The following TMEM154 variants were observed in gnomAD, a reference collection of about 807,000 sequenced individuals.
The protein encoded by TMEM154 is transmembrane protein 154.
Under a neutral mutation model 24.5 loss-of-function variants are expected in TMEM154, and 27 were observed. That is an observed-to-expected ratio of 1.10 (90% confidence interval 0.81 to 1.52). TMEM154 has a LOEUF of 1.52. Ranked by LOEUF, TMEM154 falls within the 40% of genes most tolerant of loss-of-function variation. The pLI, the probability that TMEM154 is intolerant of heterozygous loss-of-function variation, is 0.00. For synonymous variants in TMEM154, 67 were observed against 76.8 expected (o/e 0.87, Z 0.67); for missense variants, 228 against 213.4 (o/e 1.07, Z -0.43).
intron 6 of TMEM154, among the ~76,000 whole-genome samples, chr4:152,636,827 C>T (rs1752158539): frequency 6.6e-6 from 1 of 152,184 alleles, no homozygotes; most frequent in Admixed American, 6.5e-5. Context: ...GAAAGTGGAA[C>T]CCTGTAAATG....
intron 6 of TMEM154, 92 bp from the exon 7 acceptor site, chr4:152,628,653 T>C (rs1255301863): frequency 7.9e-7 from 1 of 1,263,800 alleles, no homozygotes; most frequent in East Asian, 3.3e-5. Flanking sequence ...TTTTTTTTTT[T>C]TGAGACGGAG....
intron 1 of TMEM154, among the ~76,000 whole-genome samples, chr4:152,662,924 A>G (rs1331047951): frequency 6.6e-6 from 1 of 152,178 alleles, no homozygotes; most frequent in African/African-American, 2.4e-5. Flanking sequence ...TAACCATAGC[A>G]TCGTGGAAGG....
At chr4:152,628,641 T>TA in intron 6 of TMEM154, 80 bp from the exon 7 acceptor site, 7 of 1,027,764 alleles carry the variant, frequency 6.8e-6, no homozygotes, top group Non-Finnish European at 8.7e-6. Flanking sequence ...TTTCTTTCTT[T>TA]TTTTTTTTTT....
In TMEM154 at chr4:152,628,583, A is replaced by T. The variant is rs757157073; in HGVS notation, c.537-22T>A. On this transcript the variant is annotated intron_variant, in intron 6 of 6. Transcript: ENST00000304385. ...GTCACTGTAAAAAAAAAAAAAAAAA[A>T]AAAAAAAAACAAAAAAAACACACAC... The T allele has an allele frequency of 3.6e-6, 4 of 1,116,244 alleles. No individual in the cohort carries two copies. The African/African-American group carries it at 5.7e-5, about 16-fold the overall frequency. 69.1% of individuals were successfully genotyped at this position (1,116,244 alleles called of 1,614,324 possible).
chr4:152,669,500 C>T lies in TMEM154; in HGVS notation c.64+10370G>A, dbSNP rs943611493. The T allele has an allele frequency of 1.4e-4, 21 of 152,178 alleles. No individual in the cohort carries two copies. In the East Asian group the frequency reaches 2.3e-3, roughly 17 times the overall value. The allele number at this position is 152,178 out of a possible 1,614,324, so 9.4% of individuals were successfully genotyped here. On this transcript the variant is annotated intron_variant, in intron 1 of 6. Transcript: ENST00000304385. ...CTAAATTGTAAAGGACATACTTATA[C>T]TAAATTGTAAAGGACATCCTTATAC...
intron 1 of TMEM154, 156 bp downstream of exon 1, chr4:152,679,714 C>A: frequency 2.0e-6 from 1 of 512,448 alleles, no homozygotes; most frequent in Non-Finnish European, 2.5e-6. Context: ...CTCCATCCCA[C>A]CCCCCAAAAA....
chr4:152,668,118 G>A (rs146832244), intron 1 of TMEM154, among the ~76,000 whole-genome samples: 40 of 152,316 alleles, frequency 2.6e-4, no homozygotes, highest in Non-Finnish European at 5.1e-4. Context: ...ACTTGGGGAA[G>A]CTGCATTTTT....
rs1258580753 is a variant in TMEM154 at position 152,641,876 on chromosome 4, C to A, written c.479-891G>T. On this transcript the variant is annotated intron_variant, in intron 5 of 6. Transcript: ENST00000304385. The stretch of plus-strand genomic sequence containing the variant: ...GAGTGGCTCTTTTTTGAAATCACAC[C>A]TTGATAAGCCTCTGGTAGCAATAAT... Among the ~76,000 whole-genome samples the A allele has an allele frequency of 2.2e-5, 3 of 135,346 alleles. No homozygotes were observed. The East Asian group carries it at 6.5e-4, about 29-fold the overall frequency. 88.8% of individuals were successfully genotyped at this position (135,346 alleles called of 152,430 possible). A position where few individuals can be genotyped will look rare whatever the true frequency, so the allele number is the denominator to read the frequency against.
At chr4:152,630,452 C>A (rs1200003223) in intron 6 of TMEM154, among the ~76,000 whole-genome samples, 5 of 151,938 alleles carry the variant, frequency 3.3e-5, no homozygotes, top group Admixed American at 1.3e-4. Context: ...TTTAAATTAG[C>A]CAAGGAGGTT....
intron 1 of TMEM154, among the ~76,000 whole-genome samples, chr4:152,661,284 TTCTCTCTCTCTCTCTC>T (rs70949609): frequency 0.064 from 4,083 of 63,518 alleles, 99 homozygotes; most frequent in Middle Eastern, 0.18. Context: ...ATTGTTCTCT[TTCTCTCTCTCTCTCTC>T]TCTCTCTCTC....
chr4:152,630,339 T>G (rs1752013739), intron 6 of TMEM154, among the ~76,000 whole-genome samples: 1 of 133,954 alleles, frequency 7.5e-6, no homozygotes, highest in Non-Finnish European at 1.6e-5. Context: ...AGACAAACCA[T>G]ATCAAAACGT....
At chr4:152,643,253 G>A (rs1752291107) in intron 4 of TMEM154, 80 bp from the exon 5 acceptor site, 1 of 1,086,712 alleles carries the variant, frequency 9.2e-7, no homozygotes, top group East Asian at 2.4e-5. Flanking sequence ...CTAGAATGCT[G>A]ATCCTGAGGA....
At chr4:152,673,095 A>G (rs1035582135) in intron 1 of TMEM154, among the ~76,000 whole-genome samples, 1 of 151,882 alleles carries the variant, frequency 6.6e-6, no homozygotes, top group Non-Finnish European at 1.5e-5. Context: ...CCCTGATCTC[A>G]TTTCTCTTCC....
intron 1 of TMEM154, among the ~76,000 whole-genome samples, chr4:152,654,029 C>T (rs1374097357): frequency 2.1e-5 from 3 of 142,438 alleles, no homozygotes; most frequent in South Asian, 2.3e-4. Flanking sequence ...ACAAGAGCGA[C>T]ACTCCATCTC....
chr4:152,676,867 A>G (rs1169551312), intron 1 of TMEM154, among the ~76,000 whole-genome samples: 1 of 152,204 alleles, frequency 6.6e-6, no homozygotes, highest in Admixed American at 6.5e-5. Context: ...CAAAACAGTC[A>G]CAGCATCCTT....
chr4:152,673,107 C>A (rs1414843978), intron 1 of TMEM154, among the ~76,000 whole-genome samples: 1 of 152,122 alleles, frequency 6.6e-6, no homozygotes, highest in Non-Finnish European at 1.5e-5. Flanking sequence ...TTCTCTTCCT[C>A]ACTCGTCAAA....
chr4:152,679,937 C>G lies in TMEM154; in HGVS notation c.-4G>C, dbSNP rs1036563567. On this transcript the variant is annotated 5_prime_UTR_variant, in exon 1 of 7. Transcript: ENST00000304385. ...GGGCTGCGCGGGGAGCCTGCATGTCCGCTCGCCTCGGCAGAGGCGCGCTCA... is the reference window on the plus strand; with the variant it reads ...GGGCTGCGCGGGGAGCCTGCATGTCGGCTCGCCTCGGCAGAGGCGCGCTCA... The G allele has an allele frequency of 1.2e-6, 2 of 1,607,734 alleles. No homozygotes were observed. Among genetic ancestry groups the G allele is most frequent in the Non-Finnish European group, 1.7e-6 (2 of 1,177,750 alleles).
intron 1 of TMEM154, among the ~76,000 whole-genome samples, chr4:152,670,831 T>C (rs1450706229): frequency 6.6e-6 from 1 of 152,194 alleles, no homozygotes; most frequent in Non-Finnish European, 1.5e-5. Context: ...TACACTTTTG[T>C]TGTGTGCCTA....
At chr4:152,658,686 T>G (rs188233309) in intron 1 of TMEM154, among the ~76,000 whole-genome samples, 37 of 137,224 alleles carry the variant, frequency 2.7e-4, no homozygotes, top group Non-Finnish European at 5.6e-4. Context: ...GGTGGCACAC[T>G]TCTGTAGTTC....
Sources: allele counts gnomAD v4.1 joint callset (sites outside exome capture counted in the v4.1 genomes callset), GRCh38; gene constraint gnomAD v4.1.1; transcripts MANE v1.5; gene names NCBI Gene and HGNC (gene_info 2026-07-23, HGNC 2026-07-21).